CLASP1: variants seen among roughly 807,000 people sequenced by gnomAD.
The protein encoded by CLASP1 is cytoplasmic linker associated protein 1.
In CLASP1, 38 loss-of-function variants were observed where a neutral mutation model predicts 192.3. The observed-to-expected ratio is 0.20, with a 90% CI of 0.15 to 0.26. CLASP1 has a LOEUF of 0.26. Ranked by LOEUF, CLASP1 falls within the 10% of genes least tolerant of loss-of-function variation. The probability of loss-of-function intolerance (pLI) is 1.00; values close to 1 mark genes in which losing one functional copy is unlikely to be tolerated. For synonymous variants in CLASP1, 691 were observed against 712.8 expected (o/e 0.97, Z 0.49); for missense variants, 1,433 against 1,932.5 (o/e 0.74, Z 4.85).
chr2:121,479,176 G>T (rs72969339), intron 8 of CLASP1, among the ~76,000 whole-genome samples: 6,292 of 150,916 alleles, frequency 0.042, 164 homozygotes, highest in East Asian at 0.14. Flanking sequence ...TGGTAGACGT[G>T]CTAGCCAGGG....
At chr2:121,390,245 G>T (rs998075158) in intron 30 of CLASP1, among the ~76,000 whole-genome samples, 4 of 152,166 alleles carry the variant, frequency 2.6e-5, no homozygotes, top group Non-Finnish European at 5.9e-5. Flanking sequence ...AACTGGGCTG[G>T]AGAGATGCAT....
chr2:121,387,722 A>T, intron 31 of CLASP1, 41 bp downstream of exon 32: 6 of 1,607,224 alleles, frequency 3.7e-6, no homozygotes, highest in Non-Finnish European at 5.1e-6. Flanking sequence ...CGCAGAGGTC[A>T]TGGACATCAC....
At chr2:121,364,988 G>T (rs369627621) in intron 36 of CLASP1, 106 bp downstream of exon 37, 6 of 1,041,076 alleles carry the variant, frequency 5.8e-6, no homozygotes, top group African/African-American at 1.6e-5. Context: ...GATGTAAACA[G>T]TAAGCACAAC....
intron 37 of CLASP1, among the ~76,000 whole-genome samples, chr2:121,361,729 G>GA (rs1297510809): frequency 6.6e-6 from 1 of 152,164 alleles, no homozygotes. Flanking sequence ...CCTCACCTGG[G>GA]AATCACTATG....
At chr2:121,491,800 A>G (rs1286330709) in intron 8 of CLASP1, among the ~76,000 whole-genome samples, 1 of 152,230 alleles carries the variant, frequency 6.6e-6, no homozygotes, top group East Asian at 1.9e-4. Context: ...TCAAATTGCT[A>G]CTTGGCTGCT....
rs564576016 is a variant in CLASP1 at position 121,529,392 on chromosome 2, G to A, written c.275-612C>T. ...CTGAATAATTCAGCTAATTTAGGAG[G>A]AAAATGGAACACTATTAAAATATCA... On this transcript the variant is annotated intron_variant, in intron 3 of 39. Coordinates refer to ENST00000263710, the Ensembl canonical transcript of CLASP1. Among the ~76,000 whole-genome samples, 367 of 152,264 alleles carry A rather than the reference G, an allele frequency of 2.4e-3. 1 individual carries two copies. The highest frequency in any genetic ancestry group is 8.4e-3 in the African/African-American group (351 of 41,548).
intron 1 of CLASP1, among the ~76,000 whole-genome samples, chr2:121,626,855 A>G (rs1035554375): frequency 6.6e-6 from 1 of 152,216 alleles, no homozygotes; most frequent in Admixed American, 6.5e-5. Context: ...ATTTAGGAAA[A>G]AGACCTACAA....
intron 23 of CLASP1, among the ~76,000 whole-genome samples, chr2:121,411,941 T>C (rs999917002): frequency 3.3e-5 from 5 of 152,186 alleles, no homozygotes; most frequent in African/African-American, 1.2e-4. Context: ...AGATAAAATA[T>C]TTTCTCTGTG....
At chr2:121,348,962 C>T (rs534477843) in intron 37 of CLASP1, among the ~76,000 whole-genome samples, 21 of 152,182 alleles carry the variant, frequency 1.4e-4, no homozygotes, top group Admixed American at 4.6e-4. Flanking sequence ...GGTACTCGGC[C>T]GGGCGCGGTG....
chr2:121,543,649 T>A (rs1410497518), intron 2 of CLASP1, among the ~76,000 whole-genome samples: 1 of 152,122 alleles, frequency 6.6e-6, no homozygotes, highest in African/African-American at 2.4e-5. Flanking sequence ...CAAGTCCCAA[T>A]CCTTCTAAGA....
chr2:121,612,222 G>A (rs2065714492), intron 1 of CLASP1, among the ~76,000 whole-genome samples: 1 of 151,118 alleles, frequency 6.6e-6, no homozygotes, highest in Admixed American at 6.6e-5. Context: ...AGCTGGAGGA[G>A]GAGTTATAGG....
Position 121,455,192 on chromosome 2 carries a change from A to G in CLASP1, c.1385+2495T>C. On this transcript the variant is annotated intron_variant, in intron 14 of 39. Transcript: ENST00000263710. ...GTAAGGAATTACATTTTTTCAGTGG[A>G]AGGTATAAATTTCTTTTTTCGTGAC... Among the ~76,000 whole-genome samples the G allele has an allele frequency of 1.3e-5, 2 of 152,162 alleles. 1 individual carries two copies. The highest frequency in any genetic ancestry group is 1.3e-4 in the Admixed American group (2 of 15,288).
At chr2:121,541,142 AAC>A (rs895671204) in intron 2 of CLASP1, among the ~76,000 whole-genome samples, 1 of 152,204 alleles carries the variant, frequency 6.6e-6, no homozygotes, top group Admixed American at 6.5e-5. Context: ...CCCAAAATGG[AAC>A]AGTTATCTTT....
chr2:121,423,188 T>C (rs2079806836), intron 22 of CLASP1, among the ~76,000 whole-genome samples: 1 of 152,166 alleles, frequency 6.6e-6, no homozygotes, highest in Admixed American at 6.5e-5. Flanking sequence ...ATATCTTCTT[T>C]AATATAAACT....
intron 2 of CLASP1, among the ~76,000 whole-genome samples, chr2:121,551,560 C>G (rs1036808878): frequency 2.0e-5 from 3 of 152,036 alleles, no homozygotes; most frequent in Non-Finnish European, 4.4e-5. Context: ...CAGCAACAGG[C>G]AAGCAGAGAG....
intron 19 of CLASP1, among the ~76,000 whole-genome samples, chr2:121,434,499 C>G (rs1326864991): frequency 6.6e-6 from 1 of 152,002 alleles, no homozygotes; most frequent in African/African-American, 2.4e-5. Context: ...CTCCTGGCCT[C>G]AAGCAATCCT....
chr2:121,529,144 T>C (rs1268125753), intron 3 of CLASP1, among the ~76,000 whole-genome samples: 3 of 152,188 alleles, frequency 2.0e-5, no homozygotes, highest in Non-Finnish European at 4.4e-5. Context: ...GTATATGTGT[T>C]TGGGGGTGGA....
intron 2 of CLASP1, among the ~76,000 whole-genome samples, chr2:121,549,868 T>C (rs2057858654): frequency 6.6e-6 from 1 of 151,332 alleles, no homozygotes; most frequent in Non-Finnish European, 1.5e-5. Flanking sequence ...TAGCCAGGCG[T>C]GGTGGCGGGT....
At chr2:121,405,312 A>G (rs765893332) in intron 25 of CLASP1, among the ~76,000 whole-genome samples, 3 of 152,224 alleles carry the variant, frequency 2.0e-5, no homozygotes, top group Non-Finnish European at 4.4e-5. Flanking sequence ...TCAGTCTCAA[A>G]AATAAATAAA....
Sources: allele counts gnomAD v4.1 joint callset (sites outside exome capture counted in the v4.1 genomes callset), GRCh38; gene constraint gnomAD v4.1.1; transcripts MANE v1.5; gene names NCBI Gene and HGNC (gene_info 2026-07-23, HGNC 2026-07-21).